Variants in TRAPPC10 observed in about 807,000 individuals in gnomAD.
TRAPPC10 encodes trafficking protein particle complex subunit 10.
TRAPPC10 carries 23 observed loss-of-function variants against 125.5 expected under a neutral mutation model. The observed-to-expected ratio is 0.18, with a 90% CI of 0.13 to 0.26. The LOEUF is 0.26. Among genes scored for constraint, TRAPPC10 ranks in the 10% least tolerant of loss-of-function variants. The pLI, the probability that TRAPPC10 is intolerant of heterozygous loss-of-function variation, is 1.00. For missense variants in TRAPPC10, 1,123 were observed against 1,308.4 expected (o/e 0.86, Z 2.19); for synonymous variants, 509 against 518.0 (o/e 0.98, Z 0.24).
chr21:44,046,794 C>T, intron 3 of TRAPPC10: 2 of 523,272 alleles, frequency 3.8e-6, no homozygotes, highest in Admixed American at 3.0e-5. Context: ...AGGCATAAGC[C>T]ACCGCACCCG....
chr21:44,026,814 C>T (rs866011379), intron 1 of TRAPPC10, among the ~76,000 whole-genome samples: 8 of 152,270 alleles, frequency 5.3e-5, no homozygotes, highest in Middle Eastern at 3.4e-3. Flanking sequence ...GGTTGAGGCC[C>T]CCAGCTGTGG....
intron 5 of TRAPPC10, 21 bp downstream of exon 5, chr21:44,055,914 C>A: frequency 6.5e-7 from 1 of 1,531,660 alleles, no homozygotes; most frequent in Non-Finnish European, 8.9e-7. Flanking sequence ...CATTACAGAA[C>A]TAGACAGTTC....
At chr21:44,058,989 G>C in intron 5 of TRAPPC10, 114 bp from the exon 6 acceptor site, 6 of 690,104 alleles carry the variant, frequency 8.7e-6, no homozygotes, top group Non-Finnish European at 1.4e-5. Context: ...GCGGAGCGTA[G>C]ACATTATTCA....
At chr21:44,017,028 T>G (rs1223386555) in intron 1 of TRAPPC10, among the ~76,000 whole-genome samples, 1 of 152,224 alleles carries the variant, frequency 6.6e-6, no homozygotes, top group African/African-American at 2.4e-5. Context: ...GATTTAACCA[T>G]CACTAGTTTT....
At chr21:44,049,878 C>CTTTTTTTT (rs71326020) in intron 3 of TRAPPC10, among the ~76,000 whole-genome samples, 1 of 147,648 alleles carries the variant, frequency 6.8e-6, no homozygotes, top group African/African-American at 2.5e-5. Context: ...TTCTTTCTTT[C>CTTTTTTTT]TTTTTTTTTT....
chr21:44,084,325 T>C lies in TRAPPC10; in HGVS notation c.2380+62T>C. 3 of 1,505,222 alleles carry C rather than the reference T, an allele frequency of 2.0e-6. No individual in the cohort carries two copies. The South Asian group carries it at 3.7e-5, about 18-fold the overall frequency. The allele number at this position is 1,505,222 out of a possible 1,614,324, so 93.2% of individuals were successfully genotyped here. A position where few individuals can be genotyped will look rare whatever the true frequency, so the allele number is the denominator to read the frequency against. On this transcript the variant is annotated intron_variant, in intron 15 of 22. Transcript: ENST00000291574. ...CTGGGGCAGTTCTGAGGAGACCTGC[T>C]GAGATGCCAGGCTTCTCATAAGTTT...
intron 2 of TRAPPC10, among the ~76,000 whole-genome samples, chr21:44,033,556 A>G (rs532258210): frequency 6.6e-6 from 1 of 152,304 alleles, no homozygotes; most frequent in Admixed American, 6.5e-5. Flanking sequence ...TTTGAGAAAA[A>G]AATTAAATGG....
chr21:44,073,518 AGT>A (rs2037034934), intron 7 of TRAPPC10, among the ~76,000 whole-genome samples: 1 of 152,118 alleles, frequency 6.6e-6, no homozygotes, highest in African/African-American at 2.4e-5. Context: ...CTTTTCTGAT[AGT>A]GTTTTCTTTT....
In TRAPPC10 at chr21:44,080,146, A is replaced by G. The variant is rs746568343; in HGVS notation, c.1723+19A>G. ...AGCCCAGGTAAGACCAGTTCTTACA[A>G]CTTGACTAGGAATATTTTCAAATAT... On this transcript the variant is annotated intron_variant, in intron 13 of 22. Transcript: ENST00000291574. 18 of 1,584,270 alleles carry G rather than the reference A, an allele frequency of 1.1e-5. No individual in the cohort carries two copies. The highest frequency in any genetic ancestry group is 1.0e-4 in the Admixed American group (6 of 59,890).
intron 18 of TRAPPC10, among the ~76,000 whole-genome samples, chr21:44,090,857 A>ACTG (rs2038526434): frequency 1.3e-5 from 2 of 152,344 alleles, no homozygotes; most frequent in Middle Eastern, 3.4e-3. Flanking sequence ...GTAGATATTA[A>ACTG]TAGTTAAAAA....
intron 2 of TRAPPC10, among the ~76,000 whole-genome samples, chr21:44,034,945 C>G (rs1342958077): frequency 2.0e-5 from 3 of 152,180 alleles, no homozygotes; most frequent in Non-Finnish European, 1.5e-5. Context: ...CCACCCATAC[C>G]TTGATTTCAA....
At chr21:44,049,166 TACACCCACACGTGTACGTGC>T (rs1262419471) in intron 3 of TRAPPC10, among the ~76,000 whole-genome samples, 2 of 152,098 alleles carry the variant, frequency 1.3e-5, no homozygotes, top group African/African-American at 4.8e-5. Context: ...AACACGTGTG[TACACCCACACGTGTACGTGC>T]ACACATTTAC....
At chr21:44,021,641 G>A (rs764090197) in intron 1 of TRAPPC10, among the ~76,000 whole-genome samples, 35 of 152,116 alleles carry the variant, frequency 2.3e-4, no homozygotes, top group Middle Eastern at 3.2e-3. Flanking sequence ...GGATGTTATG[G>A]ACTGAACATT....
chr21:44,092,582 T>C lies in TRAPPC10; in HGVS notation c.2997+533T>C, dbSNP rs567517473. ...AGAGATCAAAGGCTTCCTTAATGGA[T>C]GTCTGAATCTCAGCATTTTCAAAGG... On this transcript the variant is annotated intron_variant, in intron 19 of 22. Transcript: ENST00000291574. Among the ~76,000 whole-genome samples the C allele has an allele frequency of 3.5e-5, 4 of 114,436 alleles. No homozygotes were observed. In the East Asian group the frequency reaches 1.0e-3, roughly 29 times the overall value. 75.1% of individuals were successfully genotyped at this position (114,436 alleles called of 152,430 possible).
At chr21:44,031,435 G>A (rs1165434063) in intron 1 of TRAPPC10, among the ~76,000 whole-genome samples, 8 of 152,178 alleles carry the variant, frequency 5.3e-5, no homozygotes, top group Admixed American at 1.3e-4. Context: ...AACACTGAGC[G>A]TGCAGCGTAA....
At position 44,079,549 on chromosome 21, in the gene TRAPPC10, T is replaced by G. The variant is rs371463349; in HGVS notation, c.1470-15T>G. On this transcript the variant is annotated splice_polypyrimidine_tract_variant and intron_variant, in intron 11 of 22. Transcript: ENST00000291574. Reference sequence around the variant, plus strand: ...CCTAGCTGTAATGAAAGCTACTGTTTGTTGACTTTGCAAGGAGGAAAAAGG... The same window carrying G: ...CCTAGCTGTAATGAAAGCTACTGTTGGTTGACTTTGCAAGGAGGAAAAAGG... 1 of 1,584,218 alleles carries G rather than the reference T, an allele frequency of 6.3e-7. No homozygotes were observed. Among genetic ancestry groups the G allele is most frequent in the African/African-American group, 1.4e-5 (1 of 72,658 alleles).
At chr21:44,027,260 G>A (rs2033155812) in intron 1 of TRAPPC10, among the ~76,000 whole-genome samples, 1 of 152,094 alleles carries the variant, frequency 6.6e-6, no homozygotes. Context: ...TTAGGAAAGC[G>A]ACAAACTGAC....
intron 7 of TRAPPC10, among the ~76,000 whole-genome samples, chr21:44,064,565 C>G (rs1327367035): frequency 6.6e-6 from 1 of 152,132 alleles, no homozygotes; most frequent in African/African-American, 2.4e-5. Context: ...CCCTGCCACC[C>G]ATCCCCTGGT....
chr21:44,065,980 C>T (rs2036424493), intron 7 of TRAPPC10, among the ~76,000 whole-genome samples: 1 of 152,114 alleles, frequency 6.6e-6, no homozygotes, highest in South Asian at 2.1e-4. Flanking sequence ...GATTACAGGT[C>T]TGAGCTGCCC....
Sources: gnomAD v4.1 joint callset for allele counts (sites outside exome capture counted in the v4.1 genomes callset) on GRCh38, gnomAD v4.1.1 for gene constraint, MANE v1.5 for transcripts, NCBI Gene and HGNC (gene_info 2026-07-23, HGNC 2026-07-21) for gene names.